UBE2O: variants seen among roughly 807,000 people sequenced by gnomAD.
UBE2O encodes the protein (E3-independent) E2 ubiquitin-conjugating enzyme.
UBE2O carries 15 observed loss-of-function variants against 125.8 expected under a neutral mutation model. The observed-to-expected ratio is 0.12, with a 90% CI of 0.08 to 0.18. The LOEUF (loss-of-function observed/expected upper bound fraction) is 0.18, where lower values mean the gene tolerates loss of function less well. UBE2O is among the 10% of genes least tolerant of loss of function. The pLI, the probability that UBE2O is intolerant of heterozygous loss-of-function variation, is 1.00. For synonymous variants in UBE2O, 708 were observed against 703.2 expected (o/e 1.01, Z -0.11); for missense variants, 1,280 against 1,723.6 (o/e 0.74, Z 4.56).
intron 1 of UBE2O, among the ~76,000 whole-genome samples, chr17:76,432,869 C>T (rs1395915947): frequency 3.3e-5 from 5 of 152,154 alleles, no homozygotes; most frequent in African/African-American, 9.7e-5. Context: ...GGAATGCATG[C>T]CAAATCACAA....
chr17:76,437,583 T>C (rs1477641518), intron 1 of UBE2O, among the ~76,000 whole-genome samples: 1 of 152,102 alleles, frequency 6.6e-6, no homozygotes, highest in African/African-American at 2.4e-5. Flanking sequence ...GTGGCTGATG[T>C]TAATATCTTT....
intron 1 of UBE2O, among the ~76,000 whole-genome samples, chr17:76,413,483 T>A (rs2072550555): frequency 6.6e-6 from 1 of 152,160 alleles, no homozygotes; most frequent in African/African-American, 2.4e-5. Context: ...ATACATGTGG[T>A]AAGAATAAGT....
chr17:76,393,001 T>A (rs1023714081), intron 15 of UBE2O, among the ~76,000 whole-genome samples: 1 of 151,052 alleles, frequency 6.6e-6, no homozygotes, highest in East Asian at 2.0e-4. Context: ...CTCACACCTG[T>A]AATCCCAGCA....
chr17:76,431,441 G>A (rs138922387), intron 1 of UBE2O, among the ~76,000 whole-genome samples: 2,299 of 152,248 alleles, frequency 0.015, 60 homozygotes, highest in African/African-American at 0.052. Flanking sequence ...GCTTGAATCC[G>A]GGAGGCACAG....
At chr17:76,415,924 C>CACATATAT (rs2072597823) in intron 1 of UBE2O, among the ~76,000 whole-genome samples, 2 of 132,090 alleles carry the variant, frequency 1.5e-5, no homozygotes, top group Admixed American at 7.5e-5. Flanking sequence ...CATGCACATA[C>CACATATAT]ACGTATATAC....
chr17:76,418,782 G>T (rs547569920), intron 1 of UBE2O, among the ~76,000 whole-genome samples: 20 of 152,246 alleles, frequency 1.3e-4, no homozygotes, highest in Non-Finnish European at 2.8e-4. Context: ...TGTTGGCCAG[G>T]ATGGTCTTGA....
At chr17:76,429,535 C>T in intron 1 of UBE2O, among the ~76,000 whole-genome samples, 1 of 90,910 alleles carries the variant, frequency 1.1e-5, no homozygotes. Context: ...GAGTGAGACT[C>T]TGTCTCAAAA....
Position 76,405,084 on chromosome 17 carries a change from C to T in UBE2O, c.588+122G>A, listed in dbSNP as rs962466662. 11 of 694,624 alleles carry T rather than the reference C, an allele frequency of 1.6e-5. No homozygotes were observed. Among genetic ancestry groups the T allele is most frequent in the East Asian group, 5.6e-5 (2 of 36,012 alleles). The allele number at this position is 694,624 out of a possible 1,614,324, so 43.0% of individuals were successfully genotyped here. ...CAGGAGCCAGCTGGCTGCTGTGCTCCGCCTTCTGACCCAGGAAGGCTGTGC... is the reference window on the plus strand; with the variant it reads ...CAGGAGCCAGCTGGCTGCTGTGCTCTGCCTTCTGACCCAGGAAGGCTGTGC... On this transcript the variant is annotated intron_variant, in intron 3 of 17. Coordinates refer to ENST00000319380, the MANE Select transcript of UBE2O (RefSeq NM_022066.4). The surrounding 1 kb of genome is among the most constrained non-coding windows in gnomAD (Gnocchi z 6.1).
rs750033867 is a variant in UBE2O at position 76,400,470 on chromosome 17, G to C, written c.975C>G (p.Pro325=). 2.5e-6 allele frequency: 4 copies of C among 1,612,850 alleles called. No homozygotes were observed. Among genetic ancestry groups the C allele is most frequent in the Non-Finnish European group, 3.4e-6 (4 of 1,179,594 alleles). The part of the protein sequence containing the change: ...PGGTDSVSPP[P]SVITQENLGR... ...CTAGGTTTTCCTGGGTGATGACAGA[G>C]GGTGGGGGGCTGACGCTGTCCGTGC... The change falls in exon 7 of 18, where the codon CCC becomes CCG. Residue 325 remains proline (P), a synonymous_variant. Coordinates refer to ENST00000319380, the MANE Select transcript of UBE2O (RefSeq NM_022066.4). The surrounding 1 kb of genome is among the most constrained non-coding windows in gnomAD (Gnocchi z 4.3).
In UBE2O at chr17:76,402,249, A is replaced by T; in HGVS notation, c.687-122T>A. On this transcript the variant is annotated intron_variant, in intron 4 of 17. Transcript: ENST00000319380. The surrounding 1 kb of genome is among the most constrained non-coding windows in gnomAD (Gnocchi z 5.4). ...TAGCACAATTCGTCTTCTACCATCA[A>T]CTCAGCCCGAGGTAGTACAAGAAAC... The T allele has an allele frequency of 1.2e-6, 1 of 864,918 alleles. No homozygotes were observed. Among genetic ancestry groups the T allele is most frequent in the East Asian group, 2.7e-5 (1 of 37,614 alleles). 53.6% of individuals were successfully genotyped at this position (864,918 alleles called of 1,614,324 possible).
Position 76,395,751 on chromosome 17 carries a change from T to C in UBE2O, c.2920A>G (p.Met974Val), listed in dbSNP as rs1455288441. ...LLATSLPEGIMVKTFEDRMDL... is the reference protein window; with the variant it reads ...LLATSLPEGIVVKTFEDRMDL... ...ATTCTATCTTCAAAAGTCTTGACCATGATGCCCTCAGGCAGTGAGGTAGCC... is the reference window on the plus strand; with the variant it reads ...ATTCTATCTTCAAAAGTCTTGACCACGATGCCCTCAGGCAGTGAGGTAGCC... The change falls in exon 15 of 18, where the codon ATG becomes GTG. Residue 974 changes from methionine to valine, a missense_variant. Met to Val is a conservative substitution (Grantham distance 21). Coordinates refer to ENST00000319380, the MANE Select transcript of UBE2O (RefSeq NM_022066.4). The surrounding 1 kb of genome is among the most constrained non-coding windows in gnomAD (Gnocchi z 5.0). 3.7e-6 allele frequency: 6 copies of C among 1,614,060 alleles called. No homozygotes were observed. The highest frequency in any genetic ancestry group is 5.1e-6 in the Non-Finnish European group (6 of 1,180,028).
At chr17:76,403,984 C>G (rs886735264) in intron 3 of UBE2O, among the ~76,000 whole-genome samples, 1 of 152,098 alleles carries the variant, frequency 6.6e-6, no homozygotes, top group Non-Finnish European at 1.5e-5. Flanking sequence ...AAACAGAAAT[C>G]TCTAAGTCCA....
chr17:76,392,229 GA>G, intron 15 of UBE2O, 116 bp from the exon 16 acceptor site: 1 of 621,072 alleles, frequency 1.6e-6, no homozygotes, highest in Non-Finnish European at 2.6e-6. Flanking sequence ...GATCACGCAG[GA>G]AGAGCAGCAC....
At chr17:76,401,410 A>G (rs2072321887) in intron 5 of UBE2O, among the ~76,000 whole-genome samples, 1 of 152,234 alleles carries the variant, frequency 6.6e-6, no homozygotes, top group Non-Finnish European at 1.5e-5. Flanking sequence ...ACTCTGAGGA[A>G]TAAGACTCCA....
intron 1 of UBE2O, among the ~76,000 whole-genome samples, chr17:76,418,166 C>A (rs941904162): frequency 6.6e-6 from 1 of 152,180 alleles, no homozygotes; most frequent in Non-Finnish European, 1.5e-5. Flanking sequence ...AGAACAGACA[C>A]CAACATGTGA....
Position 76,402,781 on chromosome 17 carries a change from A to C in UBE2O, c.589-82T>G. On this transcript the variant is annotated intron_variant, in intron 3 of 17. Transcript: ENST00000319380. The surrounding 1 kb of genome is among the most constrained non-coding windows in gnomAD (Gnocchi z 5.4). ...GCACAGATTCCTCTATGCCCCACCG[A>C]AGACAGGATGGGGGAGGATCTAGAC... 8.5e-7 allele frequency: 1 copy of C among 1,173,968 alleles called. No individual in the cohort carries two copies. Among genetic ancestry groups the C allele is most frequent in the Non-Finnish European group, 1.3e-6 (1 of 783,656 alleles). 72.7% of individuals were successfully genotyped at this position (1,173,968 alleles called of 1,614,324 possible). A position where few individuals can be genotyped will look rare whatever the true frequency, so the allele number is the denominator to read the frequency against.
At chr17:76,435,555 C>CA (rs2072983062) in intron 1 of UBE2O, among the ~76,000 whole-genome samples, 1 of 152,126 alleles carries the variant, frequency 6.6e-6, no homozygotes, top group Non-Finnish European at 1.5e-5. Flanking sequence ...CACAGGGAAA[C>CA]AGACGCAGAG....
At chr17:76,444,544 T>C (rs554667697) in intron 1 of UBE2O, among the ~76,000 whole-genome samples, 1 of 152,240 alleles carries the variant, frequency 6.6e-6, no homozygotes, top group Non-Finnish European at 1.5e-5. Flanking sequence ...TGGATCAAAA[T>C]GAGGACAAGG....
intron 1 of UBE2O, among the ~76,000 whole-genome samples, chr17:76,422,876 C>G (rs2072733913): frequency 1.3e-5 from 2 of 152,246 alleles, no homozygotes; most frequent in Non-Finnish European, 2.9e-5. Flanking sequence ...CAGCAAGTGC[C>G]TGGAACACAG....
Sources: allele counts gnomAD v4.1 joint callset (sites outside exome capture counted in the v4.1 genomes callset), GRCh38; gene constraint gnomAD v4.1.1; non-coding constraint Gnocchi (gnomAD v3.1); transcripts MANE v1.5; gene names NCBI Gene and HGNC (gene_info 2026-07-23, HGNC 2026-07-21).